Variants in PRKN observed in about 807,000 individuals in gnomAD.
PRKN encodes the protein E3 ubiquitin-protein ligase parkin.
In PRKN, 56 loss-of-function variants were observed where a neutral mutation model predicts 59.5. The ratio of observed to expected loss-of-function variants is 0.94; its 90% CI spans 0.76 to 1.18. The LOEUF (loss-of-function observed/expected upper bound fraction) is 1.18. Among genes scored for constraint, PRKN ranks in the 50% most tolerant of loss-of-function variants. The pLI is 0.00. For synonymous variants in PRKN, 250 were observed against 222.1 expected (o/e 1.13, Z -1.12); for missense variants, 657 against 596.4 (o/e 1.10, Z -1.06).
intron 1 of PRKN, among the ~76,000 whole-genome samples, chr6:162,660,523 C>T (rs952936775): frequency 2.6e-5 from 4 of 152,156 alleles, no homozygotes; most frequent in Non-Finnish European, 4.4e-5. Context: ...TCTTCTATGA[C>T]CCCCTTGGAT....
intron 1 of PRKN, among the ~76,000 whole-genome samples, chr6:162,524,756 T>C (rs1320011753): frequency 1.3e-5 from 2 of 152,176 alleles, no homozygotes; most frequent in Non-Finnish European, 2.9e-5. Context: ...CACTTTTTGA[T>C]ACTACATCAA....
intron 2 of PRKN, among the ~76,000 whole-genome samples, chr6:162,431,925 C>T (rs1789550436): frequency 6.6e-6 from 1 of 152,140 alleles, no homozygotes; most frequent in South Asian, 2.1e-4. Context: ...AGTAATACCC[C>T]TTGATATTTA....
In PRKN at chr6:161,502,798, G is replaced by A. The variant is rs1583161227; in HGVS notation, c.1083+46056C>T. 6.6e-6 allele frequency among the ~76,000 whole-genome samples: 1 copy of A among 152,328 alleles called. No individual in the cohort carries two copies. The highest frequency in any genetic ancestry group is 1.9e-4 in the East Asian group (1 of 5,178). ...TGCTCTACGGTGAATGTGTGGGAAGGACAGGTGTGGAATGGTTATAAGTAC... is the reference window on the plus strand; with the variant it reads ...TGCTCTACGGTGAATGTGTGGGAAGAACAGGTGTGGAATGGTTATAAGTAC... On this transcript the variant is annotated intron_variant, in intron 9 of 11. Coordinates refer to ENST00000366898, the MANE Select transcript of PRKN (RefSeq NM_004562.3). This position sits in a 1 kb window ranked among gnomAD's most constrained non-coding sequence, Gnocchi z 4.0.
rs1224913679 is a variant in PRKN at position 162,066,885 on chromosome 6, T to C, written c.535-12711A>G. Among the ~76,000 whole-genome samples the C allele has an allele frequency of 2.0e-5, 3 of 152,318 alleles. No individual in the cohort carries two copies. In the East Asian group the frequency reaches 5.8e-4, roughly 29 times the overall value. ...TTTATGTTGTGGCAGAAGCTTTCAG[T>C]TGTCTCCTCTCTTCTTTTATGGTAA... is the stretch of plus-strand genomic sequence containing the variant. On this transcript the variant is annotated intron_variant, in intron 4 of 11. Transcript: ENST00000366898.
intron 5 of PRKN, among the ~76,000 whole-genome samples, chr6:162,013,758 C>T (rs996095760): frequency 6.6e-6 from 1 of 152,020 alleles, no homozygotes; most frequent in African/African-American, 2.4e-5. Flanking sequence ...GAAATGACAA[C>T]TCAGAACAAA....
Position 161,711,879 on chromosome 6 carries a change from C to T in PRKN, c.871+73893G>A, listed in dbSNP as rs1053751303. On this transcript the variant is annotated intron_variant, in intron 7 of 11. Transcript: ENST00000366898. ...CTCTTGGACTTAAACCAGTGGTTTG[C>T]CAGGGGCTATTGGGCCTTCAGCCAC... 4.6e-5 allele frequency among the ~76,000 whole-genome samples: 7 copies of T among 152,246 alleles called. No individual in the cohort carries two copies. In the East Asian group the frequency reaches 1.2e-3, roughly 25 times the overall value.
At chr6:162,133,049 T>C (rs904592168) in intron 4 of PRKN, among the ~76,000 whole-genome samples, 3 of 152,226 alleles carry the variant, frequency 2.0e-5, no homozygotes, top group Admixed American at 6.5e-5. Flanking sequence ...GACAGTCCCA[T>C]GGGCACAGTG....
At position 161,448,126 on chromosome 6, in the gene PRKN, C is replaced by T. The variant is rs553029628; in HGVS notation, c.1084-61249G>A. Among the ~76,000 whole-genome samples, 51 of 152,246 alleles carry T rather than the reference C, an allele frequency of 3.3e-4. No individual in the cohort carries two copies. Among genetic ancestry groups the T allele is most frequent in the African/African-American group, 1.1e-3 (47 of 41,540 alleles). The stretch of plus-strand genomic sequence containing the variant: ...TCAAATCTTACATCTGTGTGTTAGC[C>T]GTTGTATGGAAAACACCGTGATTCT... On this transcript the variant is annotated intron_variant, in intron 9 of 11. Transcript: ENST00000366898. This position sits in a 1 kb window ranked among gnomAD's most constrained non-coding sequence, Gnocchi z 5.1.
At chr6:162,441,607 A>T (rs149643522) in intron 2 of PRKN, among the ~76,000 whole-genome samples, 105 of 152,332 alleles carry the variant, frequency 6.9e-4, no homozygotes, top group African/African-American at 2.5e-3. Context: ...TGGCAATCCC[A>T]TATGGTTCAA....
chr6:161,726,393 A>G (rs1787441683), intron 7 of PRKN, among the ~76,000 whole-genome samples: 1 of 152,192 alleles, frequency 6.6e-6, no homozygotes, highest in African/African-American at 2.4e-5. Flanking sequence ...AAATCTGCCA[A>G]AGTAACCTAT....
chr6:161,613,276 T>C (rs59301194), intron 7 of PRKN, among the ~76,000 whole-genome samples: 4,515 of 152,144 alleles, frequency 0.03, 222 homozygotes, highest in African/African-American at 0.1. Flanking sequence ...GAACTGGAAA[T>C]ACAAGTGGAG....
At chr6:161,920,159 G>A (rs982088985) in intron 6 of PRKN, among the ~76,000 whole-genome samples, 12 of 152,008 alleles carry the variant, frequency 7.9e-5, no homozygotes, top group South Asian at 2.1e-4. Context: ...TAAGGCAGGC[G>A]GATCACTTAA....
In PRKN at chr6:162,258,436, C is replaced by T. The variant is rs116827553; in HGVS notation, c.412+4089G>A. 7.1e-3 allele frequency among the ~76,000 whole-genome samples: 1,075 copies of T among 152,244 alleles called. 11 individuals are homozygous for T. The highest frequency in any genetic ancestry group is 0.025 in the African/African-American group (1,031 of 41,530). On this transcript the variant is annotated intron_variant, in intron 3 of 11. Coordinates refer to ENST00000366898, the MANE Select transcript of PRKN (RefSeq NM_004562.3). The stretch of plus-strand genomic sequence containing the variant: ...TCATCTGTCAGGAGATGATGAATGG[C>T]GCCTCATTTAGGAAACACCAATAAC...
chr6:161,537,618 AT>A (rs1207849065), intron 9 of PRKN, among the ~76,000 whole-genome samples: 1 of 151,964 alleles, frequency 6.6e-6, no homozygotes, highest in East Asian at 1.9e-4. Flanking sequence ...TGCTCGGCTA[AT>A]TTTTTGTGTT....
chr6:162,158,664 G>C (rs1782629777), intron 4 of PRKN, among the ~76,000 whole-genome samples: 1 of 151,958 alleles, frequency 6.6e-6, no homozygotes, highest in Non-Finnish European at 1.5e-5. Flanking sequence ...CTCCTGGCCT[G>C]AAATGATCCG....
At chr6:162,152,310 A>C (rs2000751) in intron 4 of PRKN, among the ~76,000 whole-genome samples, 10 of 152,094 alleles carry the variant, frequency 6.6e-5, no homozygotes, top group Non-Finnish European at 1.3e-4. Flanking sequence ...CCTAATTTTC[A>C]TCCAAAGTCA....
intron 2 of PRKN, among the ~76,000 whole-genome samples, chr6:162,383,542 T>G (rs1404649921): frequency 2.0e-5 from 3 of 152,170 alleles, no homozygotes; most frequent in African/African-American, 7.2e-5. Context: ...CCAGGCTGTG[T>G]TGTTGCATTT....
At chr6:162,580,140 T>C (rs898276546) in intron 1 of PRKN, among the ~76,000 whole-genome samples, 1 of 152,162 alleles carries the variant, frequency 6.6e-6, no homozygotes, top group Non-Finnish European at 1.5e-5. Context: ...CAGATGGTGC[T>C]TTGAAAGTAA....
At chr6:162,358,016 C>G (rs1278767914) in intron 2 of PRKN, among the ~76,000 whole-genome samples, 1 of 152,066 alleles carries the variant, frequency 6.6e-6, no homozygotes, top group Non-Finnish European at 1.5e-5. Flanking sequence ...TTGTCAAAAC[C>G]TACAGAATGT....
Sources: gnomAD v4.1 joint callset for allele counts (sites outside exome capture counted in the v4.1 genomes callset) on GRCh38, gnomAD v4.1.1 for gene constraint, Gnocchi (gnomAD v3.1) non-coding constraint, MANE v1.5 for transcripts, NCBI Gene and HGNC (gene_info 2026-07-23, HGNC 2026-07-21) for gene names.